ZNF543: variants seen among roughly 807,000 people sequenced by gnomAD.
The protein encoded by ZNF543 is zinc finger protein 543.
ZNF543 carries 10 observed loss-of-function variants against 13.4 expected under a neutral mutation model. The ratio of observed to expected loss-of-function variants is 0.75; its 90% CI spans 0.46 to 1.26. The LOEUF is 1.26. ZNF543 is among the 50% of genes most tolerant of loss of function. The pLI is 0.00. For synonymous variants in ZNF543, 272 were observed against 264.7 expected (o/e 1.03, Z -0.27); for missense variants, 768 against 741.2 (o/e 1.04, Z -0.42).
At chr19:57,324,381 T>G (rs1045760071) in intron 2 of ZNF543, among the ~76,000 whole-genome samples, 1 of 147,206 alleles carries the variant, frequency 6.8e-6, no homozygotes, top group African/African-American at 2.5e-5. Flanking sequence ...AAGGCCAATA[T>G]AGTATTTGTT....
In ZNF543 at chr19:57,320,688, C is replaced by A; in HGVS notation, c.-166C>A. 1.3e-6 allele frequency: 1 copy of A among 778,952 alleles called. No homozygotes were observed. Among genetic ancestry groups the A allele is most frequent in the Non-Finnish European group, 1.9e-6 (1 of 522,990 alleles). 48.3% of individuals were successfully genotyped at this position (778,952 alleles called of 1,614,324 possible). A position where few individuals can be genotyped will look rare whatever the true frequency, so the allele number is the denominator to read the frequency against. ...CTAGGCCTCCGCAGCCGCCCTCCGT[C>A]TCCTCAGCCCCGACGCTGCGCCCGC... On this transcript the variant is annotated 5_prime_UTR_variant, in exon 1 of 4. Coordinates refer to ENST00000321545, the MANE Select transcript of ZNF543 (RefSeq NM_213598.4).
rs2088135226 is a variant in ZNF543 at position 57,328,151 on chromosome 19, C to T, written c.689C>T (p.Thr230Ile). 6 of 1,614,074 alleles carry T rather than the reference C, an allele frequency of 3.7e-6. No homozygotes were observed. The highest frequency in any genetic ancestry group is 1.6e-4 in the Middle Eastern group (1 of 6,084). ...ACTCAAGTGAAGCCCTATGAATGCA[C>T]AGAGTGTGGGAAAACCTTTAGCAAG... Reference protein sequence around the residue: ...IHTQVKPYECTECGKTFSKST... With the variant: ...IHTQVKPYECIECGKTFSKST... The change falls in exon 4 of 4, where the codon ACA (threonine) becomes ATA (isoleucine). Residue 230 changes from threonine (T) to isoleucine (I), a missense_variant. This residue lies in a region of ZNF543 where 677 missense variants were observed against 631.4 expected (regional missense o/e 1.07). Coordinates refer to ENST00000321545, the MANE Select transcript of ZNF543 (RefSeq NM_213598.4).
chr19:57,326,596 C>T, intron 2 of ZNF543, 37 bp from the exon 3 acceptor site: 2 of 1,543,298 alleles, frequency 1.3e-6, no homozygotes, highest in Non-Finnish European at 9.0e-7. Flanking sequence ...TTCTTCTAAC[C>T]TAACTCCCTG....
chr19:57,326,382 T>G (rs953980585), intron 2 of ZNF543, among the ~76,000 whole-genome samples: 1 of 152,164 alleles, frequency 6.6e-6, no homozygotes, highest in Non-Finnish European at 1.5e-5. Context: ...GGCAGGCTGG[T>G]CTCGAACTCC....
At chr19:57,323,538 C>A in intron 1 of ZNF543, 144 bp from the exon 2 acceptor site, 1 of 1,086,042 alleles carries the variant, frequency 9.2e-7, no homozygotes, top group Non-Finnish European at 1.4e-6. Context: ...TCCCCTCATG[C>A]CTGGCACAGA....
In ZNF543 at chr19:57,323,889, G is replaced by T. The variant is rs80311790; in HGVS notation, c.145+81G>T. 6,175 of 1,527,578 alleles carry T rather than the reference G, an allele frequency of 4.0e-3. 175 individuals are homozygous for T. The African/African-American group carries it at 0.07, about 17-fold the overall frequency. 94.6% of individuals were successfully genotyped at this position (1,527,578 alleles called of 1,614,324 possible). On this transcript the variant is annotated intron_variant, in intron 2 of 3. Coordinates refer to ENST00000321545, the MANE Select transcript of ZNF543 (RefSeq NM_213598.4). ...CCCCTCTCTCCTCCACAGCCCACTT[G>T]TTCTGAGGCTCCTGGCACCACGCAG... is the stretch of plus-strand genomic sequence containing the variant.
chr19:57,323,516 C>A, intron 1 of ZNF543, 166 bp from the exon 2 acceptor site: 2 of 891,886 alleles, frequency 2.2e-6, no homozygotes, highest in Middle Eastern at 3.5e-4. Flanking sequence ...TTATCCAAGG[C>A]AATGTCCACA....
chr19:57,326,721 C>A lies in ZNF543; in HGVS notation c.234C>A (p.Ser78=). The A allele has an allele frequency of 6.2e-7, 1 of 1,613,566 alleles. No individual in the cohort carries two copies. The highest frequency in any genetic ancestry group is 2.2e-5 in the East Asian group (1 of 44,874). The change falls in exon 3 of 4, where the codon TCC becomes TCA. Residue 78 remains serine, a synonymous_variant. Coordinates refer to ENST00000321545, the MANE Select transcript of ZNF543 (RefSeq NM_213598.4). ...WMATKDLSQS[S]YPGDNTKPKT... is the part of the protein sequence containing the mutation. ...CTACAAAAGACCTCTCCCAAAGCTC[C>A]TATCCAGGTAGGAGCCAACAGCTGG...
rs754001711 is a variant in ZNF543, at chr19:57,327,885, C to A, written c.423C>A (p.Pro141=). Residue 141 remains proline (P), a synonymous_variant, in exon 4 of 4, where the codon CCC becomes CCA. Transcript: ENST00000321545. ...TCCACTTGAAAATAGGGATAGGCCC[C>A]CAGCGGGGGAAGCTGCTGGAGAAAA... ...QEVHLKIGIG[P]QRGKLLEKMS... The A allele has an allele frequency of 2.5e-6, 4 of 1,613,986 alleles. No homozygotes were observed. Among genetic ancestry groups the A allele is most frequent in the Admixed American group, 1.7e-5 (1 of 59,996 alleles).
intron 1 of ZNF543, among the ~76,000 whole-genome samples, chr19:57,322,493 A>AAT (rs1555776135): frequency 6.6e-6 from 1 of 151,972 alleles, no homozygotes; most frequent in Non-Finnish European, 1.5e-5. Flanking sequence ...AAAAAAAAAA[A>AAT]AAAAAATCCT....
chr19:57,327,556 G>C, intron 3 of ZNF543, 148 bp from the exon 4 acceptor site: 1 of 1,018,600 alleles, frequency 9.8e-7, no homozygotes, highest in Non-Finnish European at 1.4e-6. Flanking sequence ...TGTTGGCCAG[G>C]CTGGTCTCAA....
chr19:57,328,788 A>G lies in ZNF543; in HGVS notation c.1326A>G (p.Lys442=). 2 of 1,613,922 alleles carry G rather than the reference A, an allele frequency of 1.2e-6. No homozygotes were observed. Among genetic ancestry groups the G allele is most frequent in the African/African-American group, 2.7e-5 (2 of 74,962 alleles). ...FTHCSTFVLH[K]RTHTGEKPYE... is the part of the protein sequence containing the mutation. ...ACTGCTCCACTTTTGTCTTGCATAA[A>G]AGGACCCACACAGGAGAAAAACCCT... The change falls in exon 4 of 4, where the codon AAA becomes AAG. Residue 442 remains lysine (K), a synonymous_variant. Coordinates refer to ENST00000321545, the MANE Select transcript of ZNF543 (RefSeq NM_213598.4).
chr19:57,326,866 C>CCCA, intron 3 of ZNF543, 138 bp downstream of exon 3: 1 of 575,846 alleles, frequency 1.7e-6, no homozygotes, highest in South Asian at 2.0e-5. Context: ...TCTCCCCGCC[C>CCCA]GCCCCCCCCC....
Position 57,328,369 on chromosome 19 carries a change from A to T in ZNF543, c.907A>T (p.Arg303Trp), listed in dbSNP as rs920378145. 6.8e-6 allele frequency: 11 copies of T among 1,613,804 alleles called. No individual in the cohort carries two copies. The highest frequency in any genetic ancestry group is 4.0e-5 in the African/African-American group (3 of 74,814). ...CCGCTCCACTTTTGTCTTGCATCAC[A>T]GGAGCCACACTGGAGAAAAACCCTT... ...THRSTFVLHHRSHTGEKPFVC... is the reference protein window; with the variant it reads ...THRSTFVLHHWSHTGEKPFVC... The change falls in exon 4 of 4, where the codon AGG becomes TGG. Residue 303 changes from arginine to tryptophan, a missense_variant. Transcript: ENST00000321545.
At chr19:57,325,279 G>A (rs1189655748) in intron 2 of ZNF543, among the ~76,000 whole-genome samples, 3 of 152,176 alleles carry the variant, frequency 2.0e-5, no homozygotes, top group African/African-American at 7.2e-5. Flanking sequence ...CCAGTGCCAA[G>A]CACATAGCAA....
Position 57,327,835 on chromosome 19 carries a change from G to A in ZNF543, c.373G>A (p.Asp125Asn), listed in dbSNP as rs1316314136. 4 of 1,614,114 alleles carry A rather than the reference G, an allele frequency of 2.5e-6. No homozygotes were observed. Among genetic ancestry groups the A allele is most frequent in the Non-Finnish European group, 3.4e-6 (4 of 1,180,034 alleles). The change falls in exon 4 of 4, where the codon GAT becomes AAT. Residue 125 changes from aspartate to asparagine, a missense_variant. This residue lies in a region of ZNF543 where 677 missense variants were observed against 631.4 expected (regional missense o/e 1.07). Transcript: ENST00000321545. ...NSQLGQSKDQDGPSEMQEVHL... is the reference protein window; with the variant it reads ...NSQLGQSKDQNGPSEMQEVHL... Reference sequence around the variant, plus strand: ...CCAATTAGGGCAATCCAAGGATCAGGATGGGCCATCTGAAATGCAAGAAGT... The same window carrying A: ...CCAATTAGGGCAATCCAAGGATCAGAATGGGCCATCTGAAATGCAAGAAGT...
chr19:57,324,275 C>T (rs563034816), intron 2 of ZNF543, among the ~76,000 whole-genome samples: 8 of 149,390 alleles, frequency 5.4e-5, no homozygotes, highest in African/African-American at 1.5e-4. Flanking sequence ...CACTTGAACC[C>T]GGGAGGCGGA....
At chr19:57,324,702 G>A (rs2088111270) in intron 2 of ZNF543, among the ~76,000 whole-genome samples, 1 of 152,144 alleles carries the variant, frequency 6.6e-6, no homozygotes, top group Non-Finnish European at 1.5e-5. Context: ...CATCTATAAT[G>A]TGGTCCTGAT....
At position 57,330,402 on chromosome 19, in the gene ZNF543, A is replaced by C. The variant is rs1334732415; in HGVS notation, c.*1137A>C. On this transcript the variant is annotated 3_prime_UTR_variant, in exon 4 of 4. Coordinates refer to ENST00000321545, the MANE Select transcript of ZNF543 (RefSeq NM_213598.4). ...TTTACCTCTCCTTTGAGTTAGGTCC[A>C]CCTCAGTTTTCTAAAGGTCAAATTA... is the stretch of plus-strand genomic sequence containing the variant. The C allele has an allele frequency of 6.6e-6, 1 of 151,924 alleles. No individual in the cohort carries two copies. Among genetic ancestry groups the C allele is most frequent in the Non-Finnish European group, 1.5e-5 (1 of 68,012 alleles). 9.4% of individuals were successfully genotyped at this position (151,924 alleles called of 1,614,324 possible). A position where few individuals can be genotyped will look rare whatever the true frequency, so the allele number is the denominator to read the frequency against.
Sources: gnomAD v4.1 joint callset for allele counts (sites outside exome capture counted in the v4.1 genomes callset) on GRCh38, gnomAD v4.1.1 for gene constraint, gnomAD v4.1.1 regional missense constraint, MANE v1.5 for transcripts, NCBI Gene and HGNC (gene_info 2026-07-23, HGNC 2026-07-21) for gene names.